SGCD: variants seen among roughly 807,000 people sequenced by gnomAD.
SGCD encodes the protein delta-sarcoglycan.
A neutral mutation model predicts 36.6 loss-of-function variants in SGCD; 18 were observed. The ratio of observed to expected loss-of-function variants is 0.49; its 90% CI spans 0.34 to 0.73. The LOEUF (loss-of-function observed/expected upper bound fraction) is 0.73, where lower values mean the gene tolerates loss of function less well. Among genes scored for constraint, SGCD ranks in the 30% least tolerant of loss-of-function variants. The pLI is 0.01. For missense variants in SGCD, 387 were observed against 346.7 expected, an observed-to-expected ratio of 1.12 and a Z score of -0.92; for synonymous variants, 133 against 130.6, an observed-to-expected ratio of 1.02 and a Z score of -0.12.
intron 3 of SGCD, among the ~76,000 whole-genome samples, chr5:156,245,381 G>T (rs1479081398): frequency 1.3e-5 from 2 of 152,130 alleles, no homozygotes; most frequent in Admixed American, 1.3e-4. Flanking sequence ...ATGAACGATA[G>T]AATTTGAATA....
At chr5:155,777,061 G>A in the SGCD span, among the ~76,000 whole-genome samples, 3 of 152,090 alleles carry the variant, frequency 2.0e-5, no homozygotes, top group East Asian at 5.8e-4. Flanking sequence ...GTTGGAGATG[G>A]ACAAGAAAAG....
chr5:156,493,011 C>T (rs1244615024), intron 3 of SGCD, among the ~76,000 whole-genome samples: 1 of 152,070 alleles, frequency 6.6e-6, no homozygotes, highest in Non-Finnish European at 1.5e-5. Flanking sequence ...GTGAACAGTG[C>T]CGCAATAAAT....
chr5:156,639,713 C>T lies in SGCD; in HGVS notation c.503-7751C>T, dbSNP rs1253103861. ...CCAAATTCAGTAGACTTTTCTATTCCTCTCCTTAATTTCCAGCACTGTTTA... is the reference window on the plus strand; with the variant it reads ...CCAAATTCAGTAGACTTTTCTATTCTTCTCCTTAATTTCCAGCACTGTTTA... On this transcript the variant is annotated intron_variant, in intron 6 of 8. Transcript: ENST00000337851. 3.3e-5 allele frequency among the ~76,000 whole-genome samples: 5 copies of T among 151,958 alleles called. No individual in the cohort carries two copies. In the East Asian group the frequency reaches 9.7e-4, roughly 29 times the overall value.
chr5:156,285,889 C>A (rs1447754896), intron 3 of SGCD, among the ~76,000 whole-genome samples: 1 of 152,040 alleles, frequency 6.6e-6, no homozygotes, highest in African/African-American at 2.4e-5. Context: ...GAACAGGCAA[C>A]CTACAAAATG....
At chr5:155,849,631 CTTG>C in the SGCD span, among the ~76,000 whole-genome samples, 4 of 152,236 alleles carry the variant, frequency 2.6e-5, no homozygotes, top group East Asian at 7.7e-4. Flanking sequence ...CTATGCCACT[CTTG>C]TTTCAGTAGC....
chr5:156,068,286 C>G (rs1392007255), intron 1 of SGCD, among the ~76,000 whole-genome samples: 1 of 151,572 alleles, frequency 6.6e-6, no homozygotes, highest in East Asian at 1.9e-4. Context: ...CCCCACCCCA[C>G]AACAGTCCCC....
At position 156,691,843 on chromosome 5, in the gene SGCD, T is replaced by C. The variant is rs1754122804; in HGVS notation, c.575+44307T>C. On this transcript the variant is annotated intron_variant, in intron 7 of 8. Transcript: ENST00000337851. ...TAGATTTGCTGAACATGAATAAAAG[T>C]ATAAAATGTATGTATATTAGCACCA... Among the ~76,000 whole-genome samples the C allele has an allele frequency of 2.0e-5, 3 of 152,318 alleles. No individual in the cohort carries two copies. In the South Asian group the frequency reaches 6.2e-4, roughly 32 times the overall value.
At chr5:155,943,629 A>C (rs1429442350) in intron 1 of SGCD, among the ~76,000 whole-genome samples, 1 of 152,198 alleles carries the variant, frequency 6.6e-6, no homozygotes, top group Non-Finnish European at 1.5e-5. Flanking sequence ...TATAGATGAG[A>C]TGATTAAAGT....
chr5:155,820,971 T>C, the SGCD span, among the ~76,000 whole-genome samples: 5 of 151,994 alleles, frequency 3.3e-5, 1 homozygote, highest in African/African-American at 1.2e-4. Context: ...CCTGTAAGCT[T>C]GTTTTGGGGC....
intron 6 of SGCD, among the ~76,000 whole-genome samples, chr5:156,598,144 A>G (rs1761011032): frequency 6.6e-6 from 1 of 151,994 alleles, no homozygotes. Flanking sequence ...GACTTTTCCT[A>G]TTTTCACAAT....
chr5:155,745,639 G>A, the SGCD span, among the ~76,000 whole-genome samples: 1 of 151,666 alleles, frequency 6.6e-6, no homozygotes, highest in African/African-American at 2.4e-5. Flanking sequence ...GGATTAAGAA[G>A]TTGTGAGTAG....
At chr5:156,741,872 GTT>G (rs79808158) in intron 7 of SGCD, among the ~76,000 whole-genome samples, 2 of 144,782 alleles carry the variant, frequency 1.4e-5, no homozygotes, top group East Asian at 4.0e-4. Context: ...ATGTTTTCAG[GTT>G]TTTTTTTTTT....
intron 4 of SGCD, among the ~76,000 whole-genome samples, chr5:156,534,095 C>A (rs888682584): frequency 6.6e-6 from 1 of 151,734 alleles, no homozygotes; most frequent in East Asian, 1.9e-4. Flanking sequence ...TAGGGAATAA[C>A]TAAGAGTTTT....
At chr5:156,583,140 G>A (rs1760350731) in intron 4 of SGCD, among the ~76,000 whole-genome samples, 1 of 152,068 alleles carries the variant, frequency 6.6e-6, no homozygotes, top group Non-Finnish European at 1.5e-5. Flanking sequence ...ACAGTGGAAG[G>A]CACAGAGGAA....
rs566423936 is a variant in SGCD, at chr5:156,376,015, G to A, written c.192+31338G>A. On this transcript the variant is annotated intron_variant, in intron 3 of 8. Coordinates refer to ENST00000337851, the MANE Select transcript of SGCD (RefSeq NM_000337.6). ...GATTTATCGTATATGTACAGTTATA[G>A]ATAGAAGATCAGTGACTTCATATCA... Among the ~76,000 whole-genome samples, 3 of 152,186 alleles carry A rather than the reference G, an allele frequency of 2.0e-5. No homozygotes were observed. In the East Asian group the frequency reaches 5.8e-4, roughly 29 times the overall value.
intron 1 of SGCD, among the ~76,000 whole-genome samples, chr5:155,892,100 G>A (rs1561640872): frequency 6.6e-6 from 1 of 152,080 alleles, no homozygotes; most frequent in African/African-American, 2.4e-5. Context: ...TAGACACGTA[G>A]TCTGTTCTTT....
chr5:156,321,480 C>T (rs567800087), intron 3 of SGCD, among the ~76,000 whole-genome samples: 1 of 152,120 alleles, frequency 6.6e-6, no homozygotes, highest in East Asian at 1.9e-4. Context: ...TCTCTGGGCA[C>T]GATGCTGAAG....
intron 3 of SGCD, among the ~76,000 whole-genome samples, chr5:156,356,299 A>G (rs981590653): frequency 1.3e-5 from 2 of 152,082 alleles, no homozygotes; most frequent in Non-Finnish European, 2.9e-5. Context: ...GTATCTCAAC[A>G]GCTGGGACTG....
chr5:156,241,612 T>A (rs1057494217), intron 3 of SGCD, among the ~76,000 whole-genome samples: 1 of 152,206 alleles, frequency 6.6e-6, no homozygotes, highest in African/African-American at 2.4e-5. Context: ...TTTCTTTTTC[T>A]TTTATGGCAT....
Sources: allele counts gnomAD v4.1 joint callset (sites outside exome capture counted in the v4.1 genomes callset), GRCh38; gene constraint gnomAD v4.1.1; transcripts MANE v1.5; gene names NCBI Gene and HGNC (gene_info 2026-07-23, HGNC 2026-07-21).